Variants in PCDH7 observed in about 807,000 individuals in gnomAD.
PCDH7 encodes protocadherin-7.
PCDH7 carries 17 observed loss-of-function variants against 58.9 expected under a neutral mutation model. The observed-to-expected ratio is 0.29, with a 90% CI of 0.20 to 0.43. PCDH7 has a LOEUF of 0.43. PCDH7 is among the 20% of genes least tolerant of loss of function. The pLI, the probability that PCDH7 is intolerant of heterozygous loss-of-function variation, is 1.00. For synonymous variants in PCDH7, 664 were observed against 616.4 expected, an observed-to-expected ratio of 1.08 and a Z score of -1.14; for missense variants, 1,274 against 1,441.0, an observed-to-expected ratio of 0.88 and a Z score of 1.88.
chr4:31,113,363 A>T (rs998991075), intron 3 of PCDH7, among the ~76,000 whole-genome samples: 2 of 152,222 alleles, frequency 1.3e-5, no homozygotes, highest in African/African-American at 4.8e-5. Flanking sequence ...TTGCATTATT[A>T]AAGTTAAGCA....
At chr4:30,849,662 G>T (rs1232152768) in intron 1 of PCDH7, among the ~76,000 whole-genome samples, 1 of 152,036 alleles carries the variant, frequency 6.6e-6, no homozygotes, top group Non-Finnish European at 1.5e-5. Flanking sequence ...TAAACCTGCT[G>T]CTTGTTCTGA....
intron 1 of PCDH7, among the ~76,000 whole-genome samples, chr4:30,903,197 G>A (rs892718020): frequency 3.9e-5 from 6 of 151,906 alleles, no homozygotes; most frequent in Admixed American, 3.9e-4. Flanking sequence ...CATTTCTTCT[G>A]AAAAGCTTAA....
intron 3 of PCDH7, among the ~76,000 whole-genome samples, chr4:31,003,547 T>C (rs1359197453): frequency 6.6e-6 from 1 of 152,082 alleles, no homozygotes; most frequent in Non-Finnish European, 1.5e-5. Context: ...ATCCCTTATC[T>C]GAAAACCCCA....
Position 31,059,686 on chromosome 4 carries a change from C to T in PCDH7, c.*8-82787C>T, listed in dbSNP as rs1200478843. ...ACGAAAATTTATATTTAGTGAAGGA[C>T]AGTTGAGTCAGATATCTCTGAATTC... On this transcript the variant is annotated intron_variant, in intron 3 of 3. Transcript: ENST00000509759. 5.3e-5 allele frequency among the ~76,000 whole-genome samples: 8 copies of T among 151,768 alleles called. 1 individual carries two copies. The highest frequency in any genetic ancestry group is 3.0e-5 in the Non-Finnish European group (2 of 67,790).
At chr4:30,883,788 G>A (rs1737313899) in intron 1 of PCDH7, among the ~76,000 whole-genome samples, 1 of 152,108 alleles carries the variant, frequency 6.6e-6, no homozygotes, top group Admixed American at 6.6e-5. Context: ...GTGTCAGGGA[G>A]GTATCATTTC....
At chr4:31,116,599 G>GA (rs1475366775) in intron 3 of PCDH7, among the ~76,000 whole-genome samples, 5 of 152,002 alleles carry the variant, frequency 3.3e-5, no homozygotes, top group East Asian at 3.9e-4. Flanking sequence ...GTTATCCTTG[G>GA]AAAAAAATCT....
At position 30,739,160 on chromosome 4, in the gene PCDH7, T is replaced by TTA. The variant is rs542316944; in HGVS notation, c.70+14576_70+14577dup. Among the ~76,000 whole-genome samples the TTA allele has an allele frequency of 5.9e-3, 852 of 145,368 alleles. 8 individuals carry two copies. Among genetic ancestry groups the TTA allele is most frequent in the African/African-American group, 0.018 (706 of 39,948 alleles). On this transcript the variant is annotated intron_variant, in intron 1 of 3. Transcript: ENST00000509759. ...AAAATATATATATTTTATATATATA[T>TTA]TATATATATATATCTGTGTTCCAGT...
At chr4:30,931,545 G>T (rs575351454) in intron 2 of PCDH7, among the ~76,000 whole-genome samples, 1 of 152,116 alleles carries the variant, frequency 6.6e-6, no homozygotes, top group East Asian at 1.9e-4. Flanking sequence ...TTGCACTCCA[G>T]CCTGGGCAAC....
Position 30,722,048 on chromosome 4 carries a change from G to T in PCDH7, c.626G>T (p.Gly209Val). Residue 209 changes from glycine to valine, a missense_variant, in exon 1 of 2, where the codon GGC (glycine) becomes GTC (valine). This residue lies in a region of PCDH7 where 331 missense variants were observed against 303.2 expected (regional missense o/e 1.09). Coordinates refer to ENST00000361762, the Ensembl canonical transcript of PCDH7. The surrounding 1 kb of genome is among the most constrained non-coding windows in gnomAD (Gnocchi z 7.6). Reference sequence around the variant, plus strand: ...GCCGACAGCGCCCCCTACCCCGGGGGCGGCGGGAACGGCGCGAGCGGCGGC... The same window carrying T: ...GCCGACAGCGCCCCCTACCCCGGGGTCGGCGGGAACGGCGCGAGCGGCGGC... 1 of 1,240,076 alleles carries T rather than the reference G, an allele frequency of 8.1e-7. No individual in the cohort carries two copies. The highest frequency in any genetic ancestry group is 3.7e-5 in the South Asian group (1 of 27,130). 76.8% of individuals were successfully genotyped at this position (1,240,076 alleles called of 1,614,324 possible).
intron 3 of PCDH7, among the ~76,000 whole-genome samples, chr4:31,079,672 A>G (rs569922122): frequency 4.7e-4 from 72 of 152,082 alleles, no homozygotes; most frequent in African/African-American, 1.6e-3. Context: ...ATCACATCCC[A>G]TAACACATTA....
At chr4:31,019,513 G>A (rs1056619615) in intron 3 of PCDH7, among the ~76,000 whole-genome samples, 1 of 151,854 alleles carries the variant, frequency 6.6e-6, no homozygotes, top group Non-Finnish European at 1.5e-5. Flanking sequence ...AGACCAACAT[G>A]GTAAAACCCC....
At chr4:31,119,816 C>T (rs948065872) in intron 3 of PCDH7, among the ~76,000 whole-genome samples, 13 of 152,044 alleles carry the variant, frequency 8.6e-5, no homozygotes, top group African/African-American at 3.1e-4. Flanking sequence ...GCATTCTTCC[C>T]TTTTCCAGTG....
intron 3 of PCDH7, 36 bp from the exon 3 acceptor site, chr4:31,142,437 G>A: frequency 7.4e-7 from 1 of 1,346,442 alleles, no homozygotes; most frequent in Non-Finnish European, 9.9e-7. Flanking sequence ...GTTGAGGAGT[G>A]TCAAATACTA....
rs955140227 is a variant in PCDH7, at chr4:31,134,468, AAAAC to A, written c.*8-7993_*8-7990del. Among the ~76,000 whole-genome samples the A allele has an allele frequency of 3.9e-5, 6 of 152,288 alleles. No individual in the cohort carries two copies. In the South Asian group the frequency reaches 8.3e-4, roughly 21 times the overall value. On this transcript the variant is annotated intron_variant, in intron 3 of 3. Coordinates refer to the PCDH7 transcript ENST00000509759. ...AGCTAGACTCCATCTCAAAAAACAA[AAAAC>A]AAACAAACAAAAAAGAAGTAGAATG...
chr4:30,819,153 T>C (rs1334717701), intron 1 of PCDH7, among the ~76,000 whole-genome samples: 4 of 152,162 alleles, frequency 2.6e-5, no homozygotes, highest in Admixed American at 2.0e-4. Flanking sequence ...CGACTCATAG[T>C]GGATAAAGTC....
chr4:30,856,561 A>T (rs1733483544), intron 1 of PCDH7, among the ~76,000 whole-genome samples: 1 of 151,980 alleles, frequency 6.6e-6, no homozygotes, highest in African/African-American at 2.4e-5. Flanking sequence ...CTTGATCACA[A>T]ATTTTTCTGT....
intron 3 of PCDH7, among the ~76,000 whole-genome samples, chr4:31,073,642 T>C (rs1313455784): frequency 6.6e-6 from 1 of 152,190 alleles, no homozygotes; most frequent in Non-Finnish European, 1.5e-5. Context: ...ATAATAGTAG[T>C]TCCTCTGGCC....
chr4:30,942,073 G>C (rs970746863), intron 2 of PCDH7, among the ~76,000 whole-genome samples: 7 of 151,698 alleles, frequency 4.6e-5, no homozygotes, highest in African/African-American at 1.7e-4. Flanking sequence ...CATGAGTTTG[G>C]AGACCATGTT....
chr4:31,105,679 T>A (rs893901434), intron 3 of PCDH7, among the ~76,000 whole-genome samples: 4 of 152,082 alleles, frequency 2.6e-5, no homozygotes, highest in Admixed American at 2.6e-4. Flanking sequence ...TAGAAAATAA[T>A]GGAGCTCATT....
Sources: allele counts gnomAD v4.1 joint callset (sites outside exome capture counted in the v4.1 genomes callset), GRCh38; gene constraint gnomAD v4.1.1; regional missense constraint gnomAD v4.1.1; non-coding constraint Gnocchi (gnomAD v3.1); transcripts MANE v1.5; gene names NCBI Gene and HGNC (gene_info 2026-07-23, HGNC 2026-07-21).